Variants in MPDZ observed in about 807,000 individuals in gnomAD.
MPDZ encodes the protein multiple PDZ domain protein.
MPDZ carries 234 observed loss-of-function variants against 239.1 expected under a neutral mutation model. The observed-to-expected ratio is 0.98, with a 90% CI of 0.88 to 1.09. MPDZ has a LOEUF of 1.09. Among genes scored for constraint, MPDZ ranks in the 50% least tolerant of loss-of-function variants. The probability of loss-of-function intolerance (pLI) is 0.00; values close to 1 mark genes in which losing one functional copy is unlikely to be tolerated. For synonymous variants in MPDZ, 1,048 were observed against 881.3 expected (o/e 1.19, Z -3.35); for missense variants, 3,175 against 2,510.0 (o/e 1.26, Z -5.66).
chr9:13,252,397 C>T (rs1053431890), intron 1 of MPDZ, among the ~76,000 whole-genome samples: 6 of 151,700 alleles, frequency 4.0e-5, no homozygotes, highest in African/African-American at 1.2e-4. Context: ...GAAACCCTGT[C>T]TCTACTAAAA....
rs750552027 is a variant in MPDZ, at chr9:13,121,829, G to A, written c.5141C>T (p.Pro1714Leu). Reference sequence around the variant, plus strand: ...GTCACACACTTCCTCCTCTTTGTATGGGGCCTCATCTCTGTAGAGTGTCAG... The same window carrying A: ...GTCACACACTTCCTCCTCTTTGTATAGGGCCTCATCTCTGTAGAGTGTCAG... ...VRLTLYRDEA[P>L]YKEEEVCDTL... is the part of the protein sequence containing the mutation. The change falls in exon 38 of 47, where the codon CCA becomes CTA. Residue 1714 changes from proline (P) to leucine (L), a missense_variant. By Grantham distance (98) the Pro-to-Leu change is moderately conservative. Transcript: ENST00000319217. 1.2e-6 allele frequency: 2 copies of A among 1,613,884 alleles called. No individual in the cohort carries two copies. Among genetic ancestry groups the A allele is most frequent in the South Asian group, 2.2e-5 (2 of 91,066 alleles).
intron 12 of MPDZ, among the ~76,000 whole-genome samples, chr9:13,198,379 C>T (rs1481231646): frequency 1.3e-5 from 2 of 151,988 alleles, no homozygotes; most frequent in East Asian, 3.9e-4. Flanking sequence ...ACCTATTGGC[C>T]ATTTGTATGT....
chr9:13,191,377 C>G (rs1954907225), intron 15 of MPDZ, among the ~76,000 whole-genome samples: 1 of 152,122 alleles, frequency 6.6e-6, no homozygotes, highest in African/African-American at 2.4e-5. Flanking sequence ...TGAGATTTGA[C>G]TGGACCACAT....
At chr9:13,236,276 T>A (rs867540624) in intron 3 of MPDZ, among the ~76,000 whole-genome samples, 5,125 of 35,370 alleles carry the variant, frequency 0.14, 1,121 homozygotes, top group Non-Finnish European at 0.27. Context: ...TATTTTTTTT[T>A]TTTTTTTTTT....
chr9:13,117,044 T>C (rs1276624103), intron 39 of MPDZ, among the ~76,000 whole-genome samples: 3 of 152,150 alleles, frequency 2.0e-5, no homozygotes, highest in Admixed American at 2.0e-4. Context: ...TTTTCCTATA[T>C]ATAAGGTTTA....
chr9:13,197,671 T>C (rs1044643561), intron 12 of MPDZ, among the ~76,000 whole-genome samples: 1 of 152,110 alleles, frequency 6.6e-6, no homozygotes, highest in Non-Finnish European at 1.5e-5. Context: ...ATTGTCACCC[T>C]ACTGTGCTGT....
At position 13,243,537 on chromosome 9, in the gene MPDZ, C is replaced by T. The variant is rs544972558; in HGVS notation, c.183+4098G>A. On this transcript the variant is annotated intron_variant, in intron 3 of 46. Transcript: ENST00000319217. ...TTGCCATTAGAAGTTGCTTCAAATT[C>T]TTTTTGAAATGTAATTAACAAAAAC... 1.4e-3 allele frequency among the ~76,000 whole-genome samples: 210 copies of T among 151,960 alleles called. 1 individual carries two copies. Among genetic ancestry groups the T allele is most frequent in the South Asian group, 4.8e-3 (23 of 4,822 alleles).
At chr9:13,207,151 A>G (rs763448390) in intron 10 of MPDZ, among the ~76,000 whole-genome samples, 2 of 152,186 alleles carry the variant, frequency 1.3e-5, no homozygotes, top group Non-Finnish European at 2.9e-5. Flanking sequence ...AAAAAGAAAG[A>G]AAAAAAGTGT....
chr9:13,176,248 A>G lies in MPDZ; in HGVS notation c.2819T>C (p.Ile940Thr). The G allele has an allele frequency of 1.2e-5, 19 of 1,607,948 alleles. No individual in the cohort carries two copies. The highest frequency in any genetic ancestry group is 1.6e-5 in the Non-Finnish European group (19 of 1,176,666). The change falls in exon 20 of 47, where the codon ATT (isoleucine) becomes ACT (threonine). Residue 940 changes from isoleucine to threonine, a missense_variant. Coordinates refer to ENST00000319217, the MANE Select transcript of MPDZ (RefSeq NM_001378778.1). ...GTTTTCACATTCATATTGTTGTTCA[A>G]TAGCATTTGCAGGTGTGTAGTCATT... ...TINDYTPANA[I>T]EQQYECENTI...
At chr9:13,159,129 T>A (rs1048036696) in intron 23 of MPDZ, among the ~76,000 whole-genome samples, 5 of 152,170 alleles carry the variant, frequency 3.3e-5, no homozygotes, top group African/African-American at 1.2e-4. Flanking sequence ...TATGTTGAAT[T>A]AAAGATCAGA....
At chr9:13,141,225 A>G (rs1277453661) in intron 27 of MPDZ, among the ~76,000 whole-genome samples, 2 of 152,186 alleles carry the variant, frequency 1.3e-5, no homozygotes, top group African/African-American at 4.8e-5. Flanking sequence ...ACAATGTTAG[A>G]GTTTGAAAGG....
rs1169646032 is a variant in MPDZ at position 13,106,398 on chromosome 9, G to C, written c.*567C>G. On this transcript the variant is annotated 3_prime_UTR_variant, in exon 47 of 47. Transcript: ENST00000319217. ...GCAGGAAAAATATATATGCATATTAGAGGTGGGGAGATGCAATGTTTTTAT... is the reference window on the plus strand; with the variant it reads ...GCAGGAAAAATATATATGCATATTACAGGTGGGGAGATGCAATGTTTTTAT... 6.6e-6 allele frequency: 1 copy of C among 152,048 alleles called. No homozygotes were observed. Among genetic ancestry groups the C allele is most frequent in the Non-Finnish European group, 1.5e-5 (1 of 68,022 alleles). 9.4% of individuals were successfully genotyped at this position (152,048 alleles called of 1,614,324 possible).
chr9:13,117,194 T>C lies in MPDZ; in HGVS notation c.5380-1860A>G, dbSNP rs568057465. Among the ~76,000 whole-genome samples the C allele has an allele frequency of 8.1e-4, 124 of 152,278 alleles. 1 individual carries two copies. The highest frequency in any genetic ancestry group is 2.3e-3 in the South Asian group (11 of 4,822). On this transcript the variant is annotated intron_variant, in intron 39 of 46. Coordinates refer to ENST00000319217, the MANE Select transcript of MPDZ (RefSeq NM_001378778.1). ...CTTCTAAAAATACCTTATTTTACTA[T>C]ACTCTGGGCAACTGAAACCACAGGA... is the stretch of plus-strand genomic sequence containing the variant.
At chr9:13,153,643 CT>C (rs1344487393) in intron 24 of MPDZ, among the ~76,000 whole-genome samples, 1 of 152,040 alleles carries the variant, frequency 6.6e-6, no homozygotes, top group Non-Finnish European at 1.5e-5. Flanking sequence ...TGTCCCTTCC[CT>C]GTTTTCTTAA....
Position 13,115,169 on chromosome 9 carries a change from C to A in MPDZ, c.5466+79G>T, listed in dbSNP as rs572072412. The A allele has an allele frequency of 2.2e-5, 27 of 1,246,840 alleles. 1 individual carries two copies. In the South Asian group the frequency reaches 3.3e-4, roughly 15 times the overall value. 77.2% of individuals were successfully genotyped at this position (1,246,840 alleles called of 1,614,324 possible). A position where few individuals can be genotyped will look rare whatever the true frequency, so the allele number is the denominator to read the frequency against. On this transcript the variant is annotated intron_variant, in intron 40 of 46. Coordinates refer to ENST00000319217, the MANE Select transcript of MPDZ (RefSeq NM_001378778.1). The stretch of plus-strand genomic sequence containing the variant: ...CTGCCAGGGGACCAGACCTTGTACA[C>A]AGACCCACAGTCAGGGCCATCTATG...
chr9:13,193,881 T>G (rs542631175), intron 13 of MPDZ, among the ~76,000 whole-genome samples: 2 of 152,168 alleles, frequency 1.3e-5, no homozygotes, highest in Admixed American at 6.6e-5. Context: ...ATCTACTTTA[T>G]CCCTTTTATT....
At chr9:13,278,097 G>A (rs1974649862) in intron 1 of MPDZ, among the ~76,000 whole-genome samples, 1 of 152,048 alleles carries the variant, frequency 6.6e-6, no homozygotes, top group African/African-American at 2.4e-5. Flanking sequence ...GAATTTCTAG[G>A]GAAACACGAA....
At chr9:13,177,305 A>G (rs1952622932) in intron 19 of MPDZ, among the ~76,000 whole-genome samples, 1 of 152,146 alleles carries the variant, frequency 6.6e-6, no homozygotes, top group South Asian at 2.1e-4. Flanking sequence ...AGGATTCAAG[A>G]TACAGACATA....
At chr9:13,118,303 A>G (rs1420047329) in intron 39 of MPDZ, among the ~76,000 whole-genome samples, 5 of 152,216 alleles carry the variant, frequency 3.3e-5, no homozygotes, top group Admixed American at 3.3e-4. Flanking sequence ...TTCTAATTAC[A>G]TTATGTTTTA....
Sources: allele counts gnomAD v4.1 joint callset (sites outside exome capture counted in the v4.1 genomes callset), GRCh38; gene constraint gnomAD v4.1.1; transcripts MANE v1.5; gene names NCBI Gene and HGNC (gene_info 2026-07-23, HGNC 2026-07-21).